Variants in PCDH7 observed in about 807,000 individuals in gnomAD.
PCDH7 encodes protocadherin 7, also known as protocadherin-7.
PCDH7 carries 17 observed loss-of-function variants against 58.9 expected under a neutral mutation model. That is an observed-to-expected ratio of 0.29 (90% CI 0.20 to 0.43). PCDH7 has a LOEUF of 0.43. Ranked by LOEUF, PCDH7 falls within the 20% of genes least tolerant of loss-of-function variation. The pLI is 1.00. For missense variants in PCDH7, 1,274 were observed against 1,441.0 expected (o/e 0.88, Z 1.88); for synonymous variants, 664 against 616.4 (o/e 1.08, Z -1.14).
intron 3 of PCDH7, among the ~76,000 whole-genome samples, chr4:31,071,825 G>A (rs1758565967): frequency 6.6e-6 from 1 of 152,026 alleles, no homozygotes; most frequent in African/African-American, 2.4e-5. Context: ...TTCCTGCAGT[G>A]TTAAGGAAAT....
intron 2 of PCDH7, among the ~76,000 whole-genome samples, chr4:30,948,937 G>T (rs1434143598): frequency 6.6e-6 from 1 of 152,104 alleles, no homozygotes; most frequent in East Asian, 1.9e-4. Flanking sequence ...AAGAATTATT[G>T]TTTTCCAAAC....
At chr4:30,856,723 C>T (rs1733515777) in intron 1 of PCDH7, among the ~76,000 whole-genome samples, 1 of 147,650 alleles carries the variant, frequency 6.8e-6, no homozygotes, top group Non-Finnish European at 1.5e-5. Context: ...TATATATATA[C>T]ATGCTTTAAA....
intron 2 of PCDH7, among the ~76,000 whole-genome samples, chr4:30,927,853 T>TAA (rs11389791): frequency 7.9e-5 from 12 of 151,692 alleles, no homozygotes; most frequent in East Asian, 1.9e-4. Flanking sequence ...GAATGATCAA[T>TAA]AAAAAAAACC....
chr4:31,143,631 T>A (rs1403850254), downstream of PCDH7: 1 of 152,146 alleles, frequency 6.6e-6, no homozygotes, highest in African/African-American at 2.4e-5. Flanking sequence ...AAATTATATA[T>A]ATTTTTTCAG....
At chr4:30,991,309 C>T (rs1271855429) in intron 3 of PCDH7, among the ~76,000 whole-genome samples, 1 of 152,162 alleles carries the variant, frequency 6.6e-6, no homozygotes, top group Admixed American at 6.5e-5. Context: ...AAATGGACAA[C>T]ATTCCCACTG....
intron 1 of PCDH7, among the ~76,000 whole-genome samples, chr4:30,868,123 G>A (rs1343084370): frequency 1.3e-5 from 2 of 151,958 alleles, no homozygotes; most frequent in Non-Finnish European, 2.9e-5. Context: ...AAAAATTCAT[G>A]CACTACTAAC....
chr4:30,969,298 C>A (rs1388466088), intron 3 of PCDH7, among the ~76,000 whole-genome samples: 2 of 152,130 alleles, frequency 1.3e-5, no homozygotes. Context: ...GTCCTTGAAG[C>A]TGCACTGCTG....
At chr4:30,752,051 G>T (rs16867968) in intron 1 of PCDH7, among the ~76,000 whole-genome samples, 19,401 of 152,090 alleles carry the variant, frequency 0.13, 1,660 homozygotes, top group East Asian at 0.29. Flanking sequence ...CATTGAAAAA[G>T]AATATGTCTA....
At chr4:30,999,061 A>C (rs1455031344) in intron 3 of PCDH7, among the ~76,000 whole-genome samples, 2 of 152,074 alleles carry the variant, frequency 1.3e-5, no homozygotes, top group Non-Finnish European at 2.9e-5. Flanking sequence ...AGAATATGTG[A>C]TGGAGCAGAA....
At chr4:30,893,012 C>T (rs1457481414) in intron 1 of PCDH7, among the ~76,000 whole-genome samples, 1 of 152,002 alleles carries the variant, frequency 6.6e-6, no homozygotes, top group African/African-American at 2.4e-5. Flanking sequence ...GCTGCCTCTG[C>T]ATCAAGTCTG....
At chr4:31,099,245 A>G (rs1486075117) in intron 3 of PCDH7, among the ~76,000 whole-genome samples, 1 of 152,206 alleles carries the variant, frequency 6.6e-6, no homozygotes, top group Non-Finnish European at 1.5e-5. Context: ...AAGGAAAGTC[A>G]CTGTGCCCTG....
chr4:31,014,451 A>T (rs969453736), intron 3 of PCDH7, among the ~76,000 whole-genome samples: 2 of 152,160 alleles, frequency 1.3e-5, no homozygotes, highest in African/African-American at 4.8e-5. Context: ...AAAGACAGGA[A>T]TGTACAAGAT....
intron 3 of PCDH7, among the ~76,000 whole-genome samples, chr4:31,022,511 C>T (rs1162834526): frequency 6.6e-6 from 1 of 152,072 alleles, no homozygotes; most frequent in Non-Finnish European, 1.5e-5. Flanking sequence ...CTGAATATTT[C>T]GTACATTTCT....
At chr4:30,877,446 A>T (rs1736435297) in intron 1 of PCDH7, among the ~76,000 whole-genome samples, 1 of 152,190 alleles carries the variant, frequency 6.6e-6, no homozygotes, top group Admixed American at 6.5e-5. Context: ...AGTTGTAGCT[A>T]TCAAAGAAAG....
downstream of PCDH7, chr4:31,146,617 A>G (rs1253000284): frequency 1.3e-5 from 2 of 152,132 alleles, no homozygotes; most frequent in African/African-American, 4.8e-5. Flanking sequence ...AGAACAATTT[A>G]TCATCGTTTA....
chr4:31,007,090 T>A (rs1030517207), intron 3 of PCDH7, among the ~76,000 whole-genome samples: 7 of 152,172 alleles, frequency 4.6e-5, no homozygotes, highest in Admixed American at 1.3e-4. Flanking sequence ...GGCACTGGTA[T>A]AACTTGGTGG....
Position 31,064,443 on chromosome 4 carries a change from G to A in PCDH7, c.*8-78030G>A, listed in dbSNP as rs150202104. On this transcript the variant is annotated intron_variant, in intron 3 of 3. Transcript: ENST00000509759. ...AATGTCCTAAGGCTTTTGTAATCAA[G>A]TACCATGAATAGGGTGGCTTAAAAC... Among the ~76,000 whole-genome samples the A allele has an allele frequency of 3.3e-4, 50 of 152,022 alleles. 2 individuals carry two copies. The highest frequency in any genetic ancestry group is 1.0e-3 in the African/African-American group (43 of 41,490).
At chr4:30,855,307 CTTCT>C (rs140829316) in intron 1 of PCDH7, among the ~76,000 whole-genome samples, 361 of 152,244 alleles carry the variant, frequency 2.4e-3, no homozygotes, top group African/African-American at 8.5e-3. Flanking sequence ...AGACCTGGTG[CTTCT>C]TCCTTTATTG....
chr4:30,743,623 G>GGA (rs398092268), intron 1 of PCDH7, among the ~76,000 whole-genome samples: 1 of 46,638 alleles, frequency 2.1e-5, no homozygotes, highest in Non-Finnish European at 6.5e-5. Context: ...ACTTATAGTT[G>GGA]AAAAAACCTG....
Sources: gnomAD v4.1 joint callset for allele counts (sites outside exome capture counted in the v4.1 genomes callset) on GRCh38, gnomAD v4.1.1 for gene constraint, MANE v1.5 for transcripts, NCBI Gene and HGNC (gene_info 2026-07-23, HGNC 2026-07-21) for gene names.